Variants in SMYD2 observed in about 807,000 individuals in gnomAD.
SMYD2 encodes the protein SET and MYND domain containing 2, also known as N-lysine methyltransferase SMYD2.
Under a neutral mutation model 59.1 loss-of-function variants are expected in SMYD2, and 53 were observed. The observed-to-expected ratio is 0.90, with a 90% CI of 0.72 to 1.13. SMYD2 has a LOEUF of 1.13. SMYD2 is among the 50% of genes most tolerant of loss of function. SMYD2 has a pLI of 0.00. For missense variants in SMYD2, 494 were observed against 544.7 expected, an observed-to-expected ratio of 0.91 and a Z score of 0.93; for synonymous variants, 208 against 198.8, an observed-to-expected ratio of 1.05 and a Z score of -0.39.
At chr1:214,336,632 TA>T in intron 11 of SMYD2, 71 bp from the exon 12 acceptor site, 6 of 1,437,358 alleles carry the variant, frequency 4.2e-6, no homozygotes, top group Non-Finnish European at 5.8e-6. Flanking sequence ...AGATCCAACT[TA>T]AAGTTACCCT....
intron 1 of SMYD2, among the ~76,000 whole-genome samples, chr1:214,297,211 A>T (rs1640039275): frequency 6.6e-6 from 1 of 152,026 alleles, no homozygotes; most frequent in African/African-American, 2.4e-5. Flanking sequence ...ATGAGAACTG[A>T]TGATCCCTGC....
chr1:214,317,322 C>G (rs1184477904), intron 3 of SMYD2, among the ~76,000 whole-genome samples: 1 of 152,120 alleles, frequency 6.6e-6, no homozygotes, highest in Admixed American at 6.5e-5. Flanking sequence ...AAAAACAGAC[C>G]ATTTGTATTC....
At chr1:214,297,991 A>G (rs1332385159) in intron 1 of SMYD2, among the ~76,000 whole-genome samples, 2 of 152,196 alleles carry the variant, frequency 1.3e-5, no homozygotes, top group Non-Finnish European at 2.9e-5. Flanking sequence ...AGCAATCTAC[A>G]GATTTCAACA....
intron 2 of SMYD2, among the ~76,000 whole-genome samples, chr1:214,310,734 TA>T (rs1656987723): frequency 6.6e-6 from 1 of 152,214 alleles, no homozygotes; most frequent in Admixed American, 6.5e-5. Flanking sequence ...TTCATCAGGT[TA>T]GCCTAATTTG....
chr1:214,324,816 C>A, intron 6 of SMYD2, 108 bp downstream of exon 6: 1 of 974,188 alleles, frequency 1.0e-6, no homozygotes, highest in East Asian at 2.5e-5. Context: ...AGACATGAAA[C>A]TCAAAGTGAA....
At position 214,334,193 on chromosome 1, in the gene SMYD2, G is replaced by T; in HGVS notation, c.1113-7G>T. 6.2e-7 allele frequency: 1 copy of T among 1,612,766 alleles called. No individual in the cohort carries two copies. ...ATGGTGGCCTGTTGTCTCTTCTCTT[G>T]TTCTAGTAAGCACTATCCTTTGTAC... On this transcript the variant is annotated splice_region_variant and splice_polypyrimidine_tract_variant and intron_variant, in intron 10 of 11. Transcript: ENST00000366957.
intron 1 of SMYD2, 121 bp downstream of exon 1, chr1:214,281,548 G>T: frequency 1.2e-6 from 1 of 845,036 alleles, no homozygotes; most frequent in Non-Finnish European, 1.5e-6. Context: ...TTGGGGCGGG[G>T]TGGGGGGCGG....
rs576567127 is a variant in SMYD2, at chr1:214,310,597, A to C, written c.238-4165A>C. The stretch of plus-strand genomic sequence containing the variant: ...GCAGGAGCACTAACTCGAATTTTGA[A>C]GAATAGTGGGAAAAGTTTTAGAAAA... On this transcript the variant is annotated intron_variant, in intron 2 of 11. Transcript: ENST00000366957. 2.0e-5 allele frequency among the ~76,000 whole-genome samples: 3 copies of C among 150,996 alleles called. No homozygotes were observed. The East Asian group carries it at 5.8e-4, about 29-fold the overall frequency.
At chr1:214,301,254 G>A (rs919929556) in intron 1 of SMYD2, among the ~76,000 whole-genome samples, 5 of 152,078 alleles carry the variant, frequency 3.3e-5, no homozygotes, top group Admixed American at 6.5e-5. Context: ...AGGGTATTTC[G>A]ATACCCTTCT....
intron 1 of SMYD2, among the ~76,000 whole-genome samples, chr1:214,288,954 T>C (rs889696890): frequency 5.1e-4 from 77 of 150,654 alleles, no homozygotes; most frequent in African/African-American, 1.6e-3. Flanking sequence ...TTTTTTTTTT[T>C]CCTTAAGCAA....
At chr1:214,301,769 TAAAAA>T (rs56102481) in intron 1 of SMYD2, among the ~76,000 whole-genome samples, 12 of 133,340 alleles carry the variant, frequency 9.0e-5, no homozygotes, top group African/African-American at 8.8e-5. Context: ...TCTTTCAAGT[TAAAAA>T]AAAAAAAAAA....
intron 6 of SMYD2, among the ~76,000 whole-genome samples, chr1:214,326,114 T>G (rs1280137268): frequency 6.6e-6 from 1 of 151,800 alleles, no homozygotes; most frequent in African/African-American, 2.4e-5. Flanking sequence ...GGCGCACACC[T>G]GTAATCCCAG....
intron 7 of SMYD2, among the ~76,000 whole-genome samples, chr1:214,329,530 C>T (rs2102478092): frequency 6.6e-6 from 1 of 152,300 alleles, no homozygotes; most frequent in Admixed American, 6.5e-5. Flanking sequence ...GCCCCATGAA[C>T]CAAAGGTAAG....
At chr1:214,299,213 C>T (rs1656780739) in intron 1 of SMYD2, among the ~76,000 whole-genome samples, 1 of 152,116 alleles carries the variant, frequency 6.6e-6, no homozygotes, top group South Asian at 2.1e-4. Flanking sequence ...AAAAGGAACG[C>T]TTATACACTG....
chr1:214,301,247 G>T (rs1196661883), intron 1 of SMYD2, among the ~76,000 whole-genome samples: 1 of 152,084 alleles, frequency 6.6e-6, no homozygotes, highest in African/African-American at 2.4e-5. Flanking sequence ...TAAGAGAAGG[G>T]TATTTCGATA....
At chr1:214,286,748 T>TGAAA (rs1359799786) in intron 1 of SMYD2, among the ~76,000 whole-genome samples, 1 of 30,548 alleles carries the variant, frequency 3.3e-5, no homozygotes, top group African/African-American at 2.5e-4. Context: ...AGCCTCCATC[T>TGAAA]CAAAAAAAAA....
intron 11 of SMYD2, 45 bp from the exon 12 acceptor site, chr1:214,336,659 G>A (rs766128349): frequency 1.3e-6 from 2 of 1,580,700 alleles, no homozygotes; most frequent in East Asian, 4.5e-5. Context: ...GAGGTGTGAG[G>A]AGATTGGCTT....
At chr1:214,294,119 G>A (rs753851215) in intron 1 of SMYD2, among the ~76,000 whole-genome samples, 8 of 152,090 alleles carry the variant, frequency 5.3e-5, no homozygotes, top group African/African-American at 1.4e-4. Context: ...CATGTGCAAG[G>A]TTTTACAGTA....
chr1:214,324,266 G>C (rs558264511), intron 5 of SMYD2, among the ~76,000 whole-genome samples: 4 of 152,266 alleles, frequency 2.6e-5, no homozygotes, highest in African/African-American at 7.2e-5. Context: ...AAGACACAGT[G>C]ATTCAGTGAT....
Sources: gnomAD v4.1 joint callset for allele counts (sites outside exome capture counted in the v4.1 genomes callset) on GRCh38, gnomAD v4.1.1 for gene constraint, MANE v1.5 for transcripts, NCBI Gene and HGNC (gene_info 2026-07-23, HGNC 2026-07-21) for gene names.